The following PRRC2A variants were observed in gnomAD, a reference collection of about 807,000 sequenced individuals.
PRRC2A encodes protein PRRC2A.
PRRC2A carries 59 observed loss-of-function variants against 224.6 expected under a neutral mutation model. The observed-to-expected ratio is 0.26, with a 90% CI of 0.21 to 0.33. The LOEUF (loss-of-function observed/expected upper bound fraction) is 0.33, where lower values mean the gene tolerates loss of function less well. Among genes scored for constraint, PRRC2A ranks in the 10% least tolerant of loss-of-function variants. The pLI, the probability that PRRC2A is intolerant of heterozygous loss-of-function variation, is 1.00. For missense variants in PRRC2A, 3,095 were observed against 2,880.7 expected, an observed-to-expected ratio of 1.07 and a Z score of -1.70; for synonymous variants, 1,194 against 1,109.5, an observed-to-expected ratio of 1.08 and a Z score of -1.51.
At position 31,632,284 on chromosome 6, in the gene PRRC2A, C is replaced by T. The variant is rs773232195; in HGVS notation, c.3611C>T (p.Pro1204Leu). 11 of 1,613,040 alleles carry T rather than the reference C, an allele frequency of 6.8e-6. No homozygotes were observed. The highest frequency in any genetic ancestry group is 8.5e-6 in the Non-Finnish European group (10 of 1,180,024). Residue 1204 changes from proline (P) to leucine (L), a missense_variant, in exon 16 of 31, where the codon CCA becomes CTA. Physicochemically the swap from Pro to Leu is moderately conservative, Grantham distance 98. Coordinates refer to ENST00000376033, the MANE Select transcript of PRRC2A (RefSeq NM_004638.4). The stretch of plus-strand genomic sequence containing the variant: ...AAACCTCCCACAGGCCCTTTGCCAC[C>T]AAGTAAGGAGCCTTTGAAAGAGAAG... ...PKKPPTGPLPPSKEPLKEKLI... is the reference protein window; with the variant it reads ...PKKPPTGPLPLSKEPLKEKLI...
At chr6:31,634,616 C>T (rs1465582879) in intron 20 of PRRC2A, 59 bp downstream of exon 20, 15 of 1,593,256 alleles carry the variant, frequency 9.4e-6, no homozygotes, top group Non-Finnish European at 1.3e-5. Flanking sequence ...TGGTCATACC[C>T]CCCACCTGCT....
rs573863584 is a variant in PRRC2A, at chr6:31,627,635, C to T, written c.1291-130C>T. The T allele has an allele frequency of 8.4e-7, 1 of 1,195,612 alleles. No homozygotes were observed. The highest frequency in any genetic ancestry group is 1.1e-6 in the Non-Finnish European group (1 of 869,800). 74.1% of individuals were successfully genotyped at this position (1,195,612 alleles called of 1,614,324 possible). ...ACCAGGATAATGAGTTTGTCACCACCCAGAGAGATCAACCCCAAAGCCTGG... is the reference window on the plus strand; with the variant it reads ...ACCAGGATAATGAGTTTGTCACCACTCAGAGAGATCAACCCCAAAGCCTGG... On this transcript the variant is annotated intron_variant, in intron 11 of 30. Transcript: ENST00000376033. This position sits in a 1 kb window ranked among gnomAD's most constrained non-coding sequence, Gnocchi z 5.6.
At chr6:31,630,929 G>T (rs1377159971) in intron 15 of PRRC2A, 128 bp downstream of exon 15, 3 of 1,323,398 alleles carry the variant, frequency 2.3e-6, no homozygotes, top group African/African-American at 1.5e-5. Context: ...AGTGGCTCAT[G>T]CCTGTAATCC....
chr6:31,621,933 A>C (rs1202267423), intron 1 of PRRC2A, among the ~76,000 whole-genome samples: 1 of 152,204 alleles, frequency 6.6e-6, no homozygotes, highest in East Asian at 1.9e-4. Context: ...TTTCTGGCCC[A>C]TGGTTACAGG....
In PRRC2A at chr6:31,636,188, C is replaced by A; in HGVS notation, c.5625-21C>A. ...GGACTCTGGCTTCCTAACAGCTTTT[C>A]TCCCCACAATTTATTTTCAGATCAC... On this transcript the variant is annotated intron_variant, in intron 25 of 30. Transcript: ENST00000376033. The surrounding 1 kb of genome is among the most constrained non-coding windows in gnomAD (Gnocchi z 4.3). 1 of 1,606,036 alleles carries A rather than the reference C, an allele frequency of 6.2e-7. No individual in the cohort carries two copies. The highest frequency in any genetic ancestry group is 8.5e-7 in the Non-Finnish European group (1 of 1,172,794).
Position 31,632,744 on chromosome 6 carries a change from T to G in PRRC2A, c.4071T>G (p.Gly1357=). The part of the protein sequence containing the change: ...TPKAVGTPGG[G]GGGAVPGISA... ...AGGCTGTGGGAACTCCTGGGGGAGG[T>G]GGAGGTGGAGCCGTACCAGGTATTT... The change falls in exon 16 of 31, where the codon GGT becomes GGG. Residue 1357 remains glycine (G), a synonymous_variant. Coordinates refer to ENST00000376033, the MANE Select transcript of PRRC2A (RefSeq NM_004638.4). 1 of 1,612,202 alleles carries G rather than the reference T, an allele frequency of 6.2e-7. No homozygotes were observed. The highest frequency in any genetic ancestry group is 1.1e-5 in the South Asian group (1 of 91,042).
chr6:31,627,987 A>G lies in PRRC2A; in HGVS notation c.1513A>G (p.Lys505Glu). The G allele has an allele frequency of 6.2e-7, 1 of 1,612,966 alleles. No individual in the cohort carries two copies. Residue 505 changes from lysine (K) to glutamate (E), a missense_variant, in exon 12 of 31, where the codon AAA becomes GAA. Around this residue, in one of 8 missense-constraint regions of PRRC2A, gnomAD observed 2,001 missense variants for 1,764.9 expected, o/e 1.13. Coordinates refer to ENST00000376033, the MANE Select transcript of PRRC2A (RefSeq NM_004638.4). The surrounding 1 kb of genome is among the most constrained non-coding windows in gnomAD (Gnocchi z 5.6). The stretch of plus-strand genomic sequence containing the variant: ...GTTTGGGGCACCTGACAAGCGGCTC[A>G]AAGCAGAGCCTGCTGCCCCACCTGC... ...EKFGAPDKRL[K>E]AEPAAPPAAP...
At chr6:31,622,025 G>T (rs559719902) in intron 1 of PRRC2A, among the ~76,000 whole-genome samples, 17 of 152,242 alleles carry the variant, frequency 1.1e-4, no homozygotes, top group African/African-American at 3.9e-4. Flanking sequence ...TTTTTTCCAG[G>T]AGCCAATACA....
rs1330902831 is a variant in PRRC2A at position 31,632,169 on chromosome 6, G to A, written c.3496G>A (p.Val1166Met). Residue 1166 changes from valine (V) to methionine (M), a missense_variant, in exon 16 of 31, where the codon GTG becomes ATG. This residue lies in a region of PRRC2A where 2,001 missense variants were observed against 1,764.9 expected (regional missense o/e 1.13). Coordinates refer to ENST00000376033, the MANE Select transcript of PRRC2A (RefSeq NM_004638.4). ...RGGRVFTPRGVPSRRGRGGGR... is the reference protein window; with the variant it reads ...RGGRVFTPRGMPSRRGRGGGR... ...TGGGCGAGTCTTCACTCCCAGAGGG[G>A]TGCCATCTCGCCGGGGCCGAGGAGG... 2.5e-6 allele frequency: 4 copies of A among 1,587,934 alleles called. No individual in the cohort carries two copies. The highest frequency in any genetic ancestry group is 3.4e-6 in the Non-Finnish European group (4 of 1,167,866).
In PRRC2A at chr6:31,633,661, G is replaced by A; in HGVS notation, c.4588+14G>A. 1 of 1,597,658 alleles carries A rather than the reference G, an allele frequency of 6.3e-7. No homozygotes were observed. The highest frequency in any genetic ancestry group is 8.5e-7 in the Non-Finnish European group (1 of 1,171,676). The stretch of plus-strand genomic sequence containing the variant: ...GCCTCAGTTCTGGTAAGCTGGAGGG[G>A]TTATGGGTGGGAATATCTCCATCCC... On this transcript the variant is annotated intron_variant, in intron 17 of 30. Transcript: ENST00000376033.
Position 31,632,144 on chromosome 6 carries a change from T to C in PRRC2A, c.3471T>C (p.Gly1157=). The C allele has an allele frequency of 6.4e-7, 1 of 1,564,988 alleles. No individual in the cohort carries two copies. Among genetic ancestry groups the C allele is most frequent in the Non-Finnish European group, 8.7e-7 (1 of 1,156,034 alleles). Residue 1157 remains glycine (G), a synonymous_variant, in exon 16 of 31, where the codon GGT becomes GGC. Coordinates refer to ENST00000376033, the MANE Select transcript of PRRC2A (RefSeq NM_004638.4). ...CCCCAGCCCGCTTCACTGCCCGGGG[T>C]GGGCGAGTCTTCACTCCCAGAGGGG... The part of the protein sequence containing the change: ...SPAPARFTAR[G]GRVFTPRGVP...
intron 14 of PRRC2A, 57 bp from the exon 15 acceptor site, chr6:31,630,534 G>A: frequency 6.3e-7 from 1 of 1,584,446 alleles, no homozygotes; most frequent in Non-Finnish European, 8.6e-7. Context: ...ATGCTTTTTG[G>A]GCTGGAGGGC....
chr6:31,626,195 C>G (rs1427782773), intron 9 of PRRC2A, 33 bp downstream of exon 9: 1 of 1,596,464 alleles, frequency 6.3e-7, no homozygotes, highest in Non-Finnish European at 8.5e-7. Context: ...GAATTTGGAT[C>G]TTGAAAGGCA....
chr6:31,636,181 A>G lies in PRRC2A; in HGVS notation c.5625-28A>G, dbSNP rs746756030. 6.2e-7 allele frequency: 1 copy of G among 1,602,090 alleles called. No individual in the cohort carries two copies. ...ATTGCTAGGACTCTGGCTTCCTAAC[A>G]GCTTTTCTCCCCACAATTTATTTTC... is the stretch of plus-strand genomic sequence containing the variant. On this transcript the variant is annotated intron_variant, in intron 25 of 30. Transcript: ENST00000376033. This position sits in a 1 kb window ranked among gnomAD's most constrained non-coding sequence, Gnocchi z 4.3.
In PRRC2A at chr6:31,636,526, C is replaced by T. The variant is rs2150538233; in HGVS notation, c.5852C>T (p.Pro1951Leu). The T allele has an allele frequency of 1.9e-6, 3 of 1,609,466 alleles. No individual in the cohort carries two copies. Among genetic ancestry groups the T allele is most frequent in the Non-Finnish European group, 2.5e-6 (3 of 1,178,270 alleles). Reference sequence around the variant, plus strand: ...TCCCGACAGGTACGCCAGGATCTGCCATCCCCTTCGGATTTTTATTCTACT... The same window carrying T: ...TCCCGACAGGTACGCCAGGATCTGCTATCCCCTTCGGATTTTTATTCTACT... ...TSLLQVRQDLPSPSDFYSTPL... is the reference protein window; with the variant it reads ...TSLLQVRQDLLSPSDFYSTPL... Residue 1951 changes from proline (P) to leucine (L), a missense_variant, in exon 27 of 31, where the codon CCA becomes CTA. Physicochemically the swap from Pro to Leu is moderately conservative, Grantham distance 98. Transcript: ENST00000376033. The surrounding 1 kb of genome is among the most constrained non-coding windows in gnomAD (Gnocchi z 4.3).
rs1341967095 is a variant in PRRC2A at position 31,625,928 on chromosome 6, G to A, written c.839+57G>A. ...GGGCAGGGGAAGCTTATTGGGGGAG[G>A]AGATGGTTTTCTAGCCAGGAGGCTC... On this transcript the variant is annotated intron_variant, in intron 8 of 30. Transcript: ENST00000376033. This position sits in a 1 kb window ranked among gnomAD's most constrained non-coding sequence, Gnocchi z 4.1. The A allele has an allele frequency of 6.3e-7, 1 of 1,582,758 alleles. No individual in the cohort carries two copies. Among genetic ancestry groups the A allele is most frequent in the Non-Finnish European group, 8.6e-7 (1 of 1,156,346 alleles).
rs566811979 is a variant in PRRC2A at position 31,632,892 on chromosome 6, A to G, written c.4219A>G (p.Ser1407Gly). The change falls in exon 16 of 31, where the codon AGC (serine) becomes GGC (glycine). Residue 1407 changes from serine to glycine, a missense_variant. Ser to Gly is a moderately conservative substitution (Grantham distance 56). Coordinates refer to ENST00000376033, the MANE Select transcript of PRRC2A (RefSeq NM_004638.4). ...CCCTGGCCCAGGGGGCAAGGCTGGC[A>G]GCAGTGGCAGCAGCAGTGGAGGAGG... Reference protein sequence around the residue: ...RRPGPGGKAGSSGSSSGGGGG... With the variant: ...RRPGPGGKAGGSGSSSGGGGG... 31 of 1,612,818 alleles carry G rather than the reference A, an allele frequency of 1.9e-5. No individual in the cohort carries two copies. In the South Asian group the frequency reaches 3.1e-4, roughly 16 times the overall value.
intron 1 of PRRC2A, among the ~76,000 whole-genome samples, chr6:31,622,445 G>A (rs1775396901): frequency 6.6e-6 from 1 of 152,152 alleles, no homozygotes; most frequent in Non-Finnish European, 1.5e-5. Context: ...TTGTAGACAG[G>A]CACAAAGGGC....
chr6:31,633,930 A>G lies in PRRC2A; in HGVS notation c.4660A>G (p.Ser1554Gly). ...GACTCCTCGGGACTCTGCCGGGGTTAGTCCCTTTCCCCCTAAACGTCGGGA... is the reference window on the plus strand; with the variant it reads ...GACTCCTCGGGACTCTGCCGGGGTTGGTCCCTTTCCCCCTAAACGTCGGGA... ...GGTPRDSAGV[S>G]PFPPKRRERP... The change falls in exon 18 of 31, where the codon AGT becomes GGT. Residue 1554 changes from serine to glycine, a missense_variant. Ser to Gly is a moderately conservative substitution (Grantham distance 56, BLOSUM62 0). Transcript: ENST00000376033. The G allele has an allele frequency of 6.3e-7, 1 of 1,591,914 alleles. No homozygotes were observed.
Sources: gnomAD v4.1 joint callset for allele counts (sites outside exome capture counted in the v4.1 genomes callset) on GRCh38, gnomAD v4.1.1 for gene constraint, gnomAD v4.1.1 regional missense constraint, Gnocchi (gnomAD v3.1) non-coding constraint, MANE v1.5 for transcripts, NCBI Gene and HGNC (gene_info 2026-07-23, HGNC 2026-07-21) for gene names.